Variants in NPIPB15 observed in about 807,000 individuals in gnomAD.
NPIPB15 encodes nuclear pore complex-interacting protein family member B15.
NPIPB15 carries 5 observed loss-of-function variants against 35.9 expected under a neutral mutation model. The observed-to-expected ratio is 0.14, with a 90% CI of 0.07 to 0.29. NPIPB15 has a LOEUF of 0.29. Ranked by LOEUF, NPIPB15 falls within the 10% of genes least tolerant of loss-of-function variation. NPIPB15 has a pLI of 1.00. For synonymous variants in NPIPB15, 43 were observed against 182.0 expected (o/e 0.24, Z 6.15); for missense variants, 100 against 506.1 (o/e 0.20, Z 7.70).
Position 74,376,339 on chromosome 16 carries a change from A to C in NPIPB15, c.-1030A>C, listed in dbSNP as rs2011664663. 6.6e-6 allele frequency among the ~76,000 whole-genome samples: 1 copy of C among 151,610 alleles called. No homozygotes were observed. The highest frequency in any genetic ancestry group is 1.5e-5 in the Non-Finnish European group (1 of 67,984). The stretch of plus-strand genomic sequence containing the variant: ...AGTGAGTTTGGGCACACTCTGTGTG[A>C]TCGGGCAGAAGGCCTGTGGGAAGTT... On this transcript the variant is annotated 5_prime_UTR_variant, in exon 1 of 8. Coordinates refer to ENST00000692376, the MANE Select transcript of NPIPB15 (RefSeq NM_001306094.2).
At position 74,388,856 on chromosome 16, in the gene NPIPB15, T is replaced by C. The variant is rs766236765; in HGVS notation, c.546-969T>C. On this transcript the variant is annotated intron_variant, in intron 5 of 7. Coordinates refer to ENST00000692376, the MANE Select transcript of NPIPB15 (RefSeq NM_001306094.2). ...ACCCCACCCTCCTGGGAAACGCCCA[T>C]TGGAGTGTTGTTTATAACCTCTGTA... 44 of 958,548 alleles carry C rather than the reference T, an allele frequency of 4.6e-5. 6 individuals are homozygous for C. Among genetic ancestry groups the C allele is most frequent in the Non-Finnish European group, 5.1e-5 (41 of 810,494 alleles). 59.4% of individuals were successfully genotyped at this position (958,548 alleles called of 1,614,324 possible). A position where few individuals can be genotyped will look rare whatever the true frequency, so the allele number is the denominator to read the frequency against.
At chr16:74,385,156 G>T (rs2142676746) in intron 3 of NPIPB15, among the ~76,000 whole-genome samples, 186 bp from the exon 4 acceptor site, 1 of 150,446 alleles carries the variant, frequency 6.6e-6, no homozygotes, top group Non-Finnish European at 1.5e-5. Context: ...TTGGATTACA[G>T]GCGCCCGCTG....
At position 74,376,325 on chromosome 16, in the gene NPIPB15, G is replaced by A. The variant is rs2011663876; in HGVS notation, c.-1044G>A. Among the ~76,000 whole-genome samples, 1 of 151,510 alleles carries A rather than the reference G, an allele frequency of 6.6e-6. No homozygotes were observed. The highest frequency in any genetic ancestry group is 2.1e-4 in the South Asian group (1 of 4,814). On this transcript the variant is annotated 5_prime_UTR_variant, in exon 1 of 8. Transcript: ENST00000692376. ...CTGCCAGAGGCCTGAGTGAGTTTGG[G>A]CACACTCTGTGTGATCGGGCAGAAG...
intron 5 of NPIPB15, among the ~76,000 whole-genome samples, chr16:74,386,163 T>G (rs1182322925): frequency 8.4e-6 from 1 of 119,478 alleles, no homozygotes; most frequent in Non-Finnish European, 1.7e-5. Flanking sequence ...TTTTGTATTT[T>G]TACTAGAGAT....
chr16:74,390,205 C>T (rs2012477816), intron 7 of NPIPB15, 175 bp downstream of exon 7: 1 of 955,614 alleles, frequency 1.0e-6, no homozygotes, highest in Non-Finnish European at 1.2e-6. Context: ...GCAAAAACAC[C>T]TTCATCCCCA....
chr16:74,379,626 G>A (rs1391321605), intron 2 of NPIPB15, among the ~76,000 whole-genome samples: 2 of 145,474 alleles, frequency 1.4e-5, no homozygotes, highest in African/African-American at 5.2e-5. Context: ...GTCTCGCTCT[G>A]TCACCCAGGC....
chr16:74,386,284 C>CTTTT (rs1179744903), intron 5 of NPIPB15, among the ~76,000 whole-genome samples: 730 of 105,866 alleles, frequency 6.9e-3, no homozygotes, highest in African/African-American at 0.025. Flanking sequence ...CACACCCAGC[C>CTTTT]TTTTTTTTTT....
At chr16:74,377,472 T>A (rs1343220084) in intron 1 of NPIPB15, among the ~76,000 whole-genome samples, 126 bp downstream of exon 1, 26 of 152,130 alleles carry the variant, frequency 1.7e-4, no homozygotes, top group African/African-American at 4.8e-4. Context: ...ACCGGGGTCA[T>A]CAGGGATTGG....
At chr16:74,381,485 C>T (rs2011985103) in intron 2 of NPIPB15, 31 bp from the exon 3 acceptor site, 2 of 1,576,378 alleles carry the variant, frequency 1.3e-6, no homozygotes, top group Non-Finnish European at 1.7e-6. Context: ...TGTCATTGAC[C>T]TTTTCATTCT....
intron 5 of NPIPB15, chr16:74,388,462 A>T (rs1408899711): frequency 1.1e-6 from 1 of 907,668 alleles, no homozygotes; most frequent in African/African-American, 1.9e-5. Context: ...AAAGAATAGG[A>T]CTAACTATGG....
At chr16:74,389,151 C>T (rs1274969929) in intron 5 of NPIPB15, among the ~76,000 whole-genome samples, 4 of 139,560 alleles carry the variant, frequency 2.9e-5, no homozygotes, top group African/African-American at 8.1e-5. Context: ...TTCAAAAGGA[C>T]TATGCCTGTT....
At chr16:74,379,798 T>C (rs1328026493) in intron 2 of NPIPB15, among the ~76,000 whole-genome samples, 1 of 151,752 alleles carries the variant, frequency 6.6e-6, no homozygotes, top group Non-Finnish European at 1.5e-5. Flanking sequence ...CCGTGTTAGC[T>C]AGGATGGTCT....
At chr16:74,388,313 GAGTT>G (rs1342571870) in intron 5 of NPIPB15, 1 of 910,188 alleles carries the variant, frequency 1.1e-6, no homozygotes, top group Non-Finnish European at 1.3e-6. Flanking sequence ...GCTTCCGATG[GAGTT>G]AGTTGTGATG....
intron 2 of NPIPB15, among the ~76,000 whole-genome samples, chr16:74,379,115 A>C (rs932267746): frequency 1.3e-5 from 2 of 152,250 alleles, no homozygotes; most frequent in African/African-American, 4.8e-5. Context: ...CTACACTATT[A>C]TGTCACCCCA....
chr16:74,379,586 T>A (rs1188288128), intron 2 of NPIPB15, among the ~76,000 whole-genome samples: 1 of 17,982 alleles, frequency 5.6e-5, no homozygotes, highest in African/African-American at 3.0e-4. Context: ...ACCTTGGTAA[T>A]TTTTTTTTTT....
chr16:74,391,948 CA>C lies in NPIPB15; in HGVS notation c.1202del (p.Lys401ArgfsTer5), dbSNP rs2012597918. ...CCGAGGCACAACAATTACCCAAACC[CA>C]AGAGGCGGAGGTTGAGTAAGCTGAG... is the stretch of plus-strand genomic sequence containing the variant. ...EAEAQQLPKP[K>X]RRRLSKLRTR... On this transcript the variant is annotated frameshift_variant, in exon 8 of 8. Coordinates refer to ENST00000692376, the MANE Select transcript of NPIPB15 (RefSeq NM_001306094.2). LOFTEE classifies it high-confidence loss of function. 1 of 1,552,798 alleles carries C rather than the reference CA, an allele frequency of 6.4e-7. No homozygotes were observed. Among genetic ancestry groups the C allele is most frequent in the Admixed American group, 2.0e-5 (1 of 51,096 alleles).
At chr16:74,389,300 A>T (rs2012427329) in intron 5 of NPIPB15, among the ~76,000 whole-genome samples, 1 of 151,092 alleles carries the variant, frequency 6.6e-6, no homozygotes, top group South Asian at 2.1e-4. Context: ...ATCATCTCAG[A>T]AGTCAGCAGG....
chr16:74,377,253 G>A lies in NPIPB15; in HGVS notation c.-116G>A, dbSNP rs543881238. Among the ~76,000 whole-genome samples, 57 of 150,232 alleles carry A rather than the reference G, an allele frequency of 3.8e-4. No individual in the cohort carries two copies. The East Asian group carries it at 6.7e-3, about 18-fold the overall frequency. On this transcript the variant is annotated 5_prime_UTR_variant, in exon 1 of 8. Coordinates refer to ENST00000692376, the MANE Select transcript of NPIPB15 (RefSeq NM_001306094.2). ...CATCATTTGTTTTTTATGTTTTGTC[G>A]CCAAAAGTGACCTTGAGGAACCCTG...
At chr16:74,388,792 T>C (rs2012405851) in intron 5 of NPIPB15, 2 of 963,898 alleles carry the variant, frequency 2.1e-6, no homozygotes, top group Admixed American at 6.5e-5. Flanking sequence ...AAATTGGATA[T>C]GAAAGAAATA....
Sources: gnomAD v4.1 joint callset for allele counts (sites outside exome capture counted in the v4.1 genomes callset) on GRCh38, gnomAD v4.1.1 for gene constraint, MANE v1.5 for transcripts, NCBI Gene and HGNC (gene_info 2026-07-23, HGNC 2026-07-21) for gene names.